CAST: variants seen among roughly 807,000 people sequenced by gnomAD.
CAST encodes calpastatin.
Under a neutral mutation model 119.6 loss-of-function variants are expected in CAST, and 76 were observed. The observed-to-expected ratio is 0.64, with a 90% CI of 0.53 to 0.77. CAST has a LOEUF of 0.77. Among genes scored for constraint, CAST ranks in the 30% least tolerant of loss-of-function variants. The pLI is 0.00. For missense variants in CAST, 953 were observed against 946.5 expected (o/e 1.01, Z -0.09); for synonymous variants, 319 against 331.6 (o/e 0.96, Z 0.41).
the CAST span, chr5:96,394,938 G>T: frequency 6.2e-7 from 1 of 1,614,010 alleles, no homozygotes; most frequent in Non-Finnish European, 8.5e-7. Flanking sequence ...TACACACGAG[G>T]CTGCTTCATA....
At chr5:96,082,373 C>A in the CAST span, among the ~76,000 whole-genome samples, 1 of 152,208 alleles carries the variant, frequency 6.6e-6, no homozygotes, top group East Asian at 1.9e-4. Context: ...GCATAATTAT[C>A]TCCATTTTGC....
chr5:96,403,685 G>A, the CAST span, among the ~76,000 whole-genome samples: 1 of 152,208 alleles, frequency 6.6e-6, no homozygotes, highest in South Asian at 2.1e-4. Flanking sequence ...AGAGATGTAG[G>A]TAATGTAATT....
intron 2 of CAST, among the ~76,000 whole-genome samples, chr5:96,679,797 A>AT (rs879725725): frequency 1.7e-4 from 26 of 148,896 alleles, no homozygotes; most frequent in Admixed American, 8.7e-4. Flanking sequence ...TGACTCAAAC[A>AT]TTTTTTTTTT....
intron 1 of CAST, among the ~76,000 whole-genome samples, chr5:96,569,122 A>G (rs1253437971): frequency 6.6e-6 from 1 of 152,208 alleles, no homozygotes; most frequent in Non-Finnish European, 1.5e-5. Context: ...CTAGGTACCA[A>G]ACCAATACAA....
At chr5:95,979,266 A>T in the CAST span, among the ~76,000 whole-genome samples, 290 of 152,290 alleles carry the variant, frequency 1.9e-3, no homozygotes, top group Non-Finnish European at 3.1e-3. Context: ...TATATATATA[A>T]ATGCATGAGA....
At chr5:96,219,865 A>C in the CAST span, among the ~76,000 whole-genome samples, 1,580 of 152,268 alleles carry the variant, frequency 0.01, 26 homozygotes, top group African/African-American at 0.035. Flanking sequence ...ATATCTCTTA[A>C]ATTCCTTCTC....
At chr5:96,136,568 C>T in the CAST span, among the ~76,000 whole-genome samples, 1 of 152,092 alleles carries the variant, frequency 6.6e-6, no homozygotes, top group Admixed American at 6.5e-5. Context: ...TGCCTCAAGG[C>T]CACCTCAGCT....
chr5:96,137,440 T>G, the CAST span, among the ~76,000 whole-genome samples: 1 of 152,174 alleles, frequency 6.6e-6, no homozygotes, highest in Non-Finnish European at 1.5e-5. Context: ...TCTTCCAGAT[T>G]TTGCTGATTA....
chr5:96,550,438 T>C lies in CAST; in HGVS notation c.60+20558T>C, dbSNP rs1430432196. On this transcript the variant is annotated intron_variant, in intron 1 of 11. Transcript: ENST00000505143. ...ACCAACATCAAAGACCAAAGGTAGA[T>C]AAAACCACAAAATGAGGAGAAACCA... 3.3e-5 allele frequency among the ~76,000 whole-genome samples: 5 copies of C among 152,122 alleles called. No homozygotes were observed. The East Asian group carries it at 9.6e-4, about 29-fold the overall frequency.
chr5:96,540,365 T>C (rs35190022), intron 1 of CAST, among the ~76,000 whole-genome samples: 92,379 of 151,420 alleles, frequency 0.61, 28,526 homozygotes, highest in East Asian at 0.86. Context: ...TGTTTATGGA[T>C]CCTTTCAGAT....
At chr5:96,519,148 T>C in the CAST span, among the ~76,000 whole-genome samples, 1 of 152,224 alleles carries the variant, frequency 6.6e-6, no homozygotes, top group Non-Finnish European at 1.5e-5. Flanking sequence ...CTTCACAGAT[T>C]ATTGATACAC....
the CAST span, among the ~76,000 whole-genome samples, chr5:96,349,942 A>G: frequency 6.6e-6 from 1 of 152,162 alleles, no homozygotes; most frequent in Non-Finnish European, 1.5e-5. Flanking sequence ...ATGACCAGGA[A>G]TAGAAACGTG....
At chr5:96,130,536 A>G in the CAST span, among the ~76,000 whole-genome samples, 7 of 152,042 alleles carry the variant, frequency 4.6e-5, no homozygotes, top group South Asian at 2.1e-4. Flanking sequence ...TAATTGTGAC[A>G]AGTATACCAT....
At chr5:96,360,787 T>A in the CAST span, among the ~76,000 whole-genome samples, 1 of 152,298 alleles carries the variant, frequency 6.6e-6, no homozygotes, top group East Asian at 1.9e-4. Context: ...GGGTGGTATC[T>A]CCAAGTCAGG....
chr5:96,708,281 G>T (rs191073499), intron 3 of CAST, among the ~76,000 whole-genome samples: 23 of 152,182 alleles, frequency 1.5e-4, no homozygotes, highest in Admixed American at 1.4e-3. Flanking sequence ...TATTTTTCAG[G>T]ATTCTTCCCT....
At chr5:96,588,583 C>CT (rs1746904173) in intron 1 of CAST, among the ~76,000 whole-genome samples, 3 of 152,096 alleles carry the variant, frequency 2.0e-5, no homozygotes, top group South Asian at 4.1e-4. Flanking sequence ...TTCAAATACA[C>CT]TTTTTTTAAA....
At chr5:96,390,957 A>C in the CAST span, 1 of 152,666 alleles carries the variant, frequency 6.6e-6, no homozygotes, top group East Asian at 1.9e-4. Context: ...GAATCAAAAG[A>C]AAGATTTATA....
intron 1 of CAST, among the ~76,000 whole-genome samples, chr5:96,607,911 A>G (rs567129158): frequency 2.0e-5 from 3 of 152,356 alleles, no homozygotes; most frequent in Non-Finnish European, 2.9e-5. Context: ...ATCAAACCAG[A>G]GTAATTATCA....
At chr5:96,495,332 T>C in the CAST span, among the ~76,000 whole-genome samples, 6 of 152,124 alleles carry the variant, frequency 3.9e-5, no homozygotes, top group Non-Finnish European at 7.4e-5. Flanking sequence ...ACATGCGCCA[T>C]GGTGGTCTGC....
Sources: gnomAD v4.1 joint callset for allele counts (sites outside exome capture counted in the v4.1 genomes callset) on GRCh38, gnomAD v4.1.1 for gene constraint, MANE v1.5 for transcripts, NCBI Gene and HGNC (gene_info 2026-07-23, HGNC 2026-07-21) for gene names.